The following PTPRN2 variants were observed in gnomAD, a reference collection of about 807,000 sequenced individuals.
The protein encoded by PTPRN2 is receptor-type tyrosine-protein phosphatase N2.
A neutral mutation model predicts 118.8 loss-of-function variants in PTPRN2; 74 were observed. The ratio of observed to expected loss-of-function variants is 0.62; its 90% CI spans 0.52 to 0.76. The LOEUF is 0.76. Ranked by LOEUF, PTPRN2 falls within the 30% of genes least tolerant of loss-of-function variation. PTPRN2 has a pLI of 0.00. For missense variants in PTPRN2, 1,481 were observed against 1,394.4 expected (o/e 1.06, Z -0.99); for synonymous variants, 641 against 608.0 (o/e 1.05, Z -0.80).
At chr7:157,928,570 CA>C (rs2128777333) in intron 11 of PTPRN2, among the ~76,000 whole-genome samples, 1 of 152,098 alleles carries the variant, frequency 6.6e-6, no homozygotes, top group African/African-American at 2.4e-5. Flanking sequence ...CGAAGCCACC[CA>C]GGACACTCCC....
intron 2 of PTPRN2, among the ~76,000 whole-genome samples, chr7:158,448,351 A>G (rs73729618): frequency 0.034 from 5,201 of 152,350 alleles, 269 homozygotes; most frequent in African/African-American, 0.11. Context: ...TAGAGAAAAT[A>G]GTAAGTTAGC....
Position 158,245,147 on chromosome 7 carries a change from AGAATCCGTGGCCATGCCG to A in PTPRN2, c.278-39892_278-39875del, listed in dbSNP as rs919571935. ...TCATGCCGGAATCCGTGGTCATGCC[AGAATCCGTGGCCATGCCG>A]GAATCCATGGCCATGCCGGAATCCG... On this transcript the variant is annotated intron_variant, in intron 3 of 22. Transcript: ENST00000389418. 7.2e-5 allele frequency among the ~76,000 whole-genome samples: 11 copies of A among 152,048 alleles called. No homozygotes were observed. The South Asian group carries it at 8.3e-4, about 11-fold the overall frequency.
chr7:158,060,163 G>GCC (rs1810203464), intron 11 of PTPRN2, among the ~76,000 whole-genome samples: 1 of 85,686 alleles, frequency 1.2e-5, no homozygotes, highest in African/African-American at 5.7e-5. Context: ...CACTCCATCT[G>GCC]CACATGGTGA....
intron 12 of PTPRN2, among the ~76,000 whole-genome samples, chr7:157,778,921 C>G (rs2151047791): frequency 6.6e-6 from 1 of 152,378 alleles, no homozygotes; most frequent in Non-Finnish European, 1.5e-5. Flanking sequence ...AGACCACATT[C>G]TGAAAACAAT....
At chr7:157,544,580 A>G (rs221265) in intron 22 of PTPRN2, among the ~76,000 whole-genome samples, 77,302 of 152,120 alleles carry the variant, frequency 0.51, 19,893 homozygotes, top group South Asian at 0.68. Flanking sequence ...TGAGGAGGGC[A>G]TGGGGCTTCT....
chr7:158,509,621 G>A lies in PTPRN2; in HGVS notation c.113-19836C>T, dbSNP rs1454464940. On this transcript the variant is annotated intron_variant, in intron 1 of 22. Coordinates refer to ENST00000389418, the MANE Select transcript of PTPRN2 (RefSeq NM_002847.5). The surrounding 1 kb of genome is among the most constrained non-coding windows in gnomAD (Gnocchi z 4.4). The stretch of plus-strand genomic sequence containing the variant: ...CCCAAAGCCCATCTGCTTTGTTCCG[G>A]GATCCCCCAGCCTCATTTCCATCTC... Among the ~76,000 whole-genome samples the A allele has an allele frequency of 6.6e-6, 1 of 152,200 alleles. No homozygotes were observed. The highest frequency in any genetic ancestry group is 6.5e-5 in the Admixed American group (1 of 15,284).
intron 11 of PTPRN2, among the ~76,000 whole-genome samples, chr7:158,056,580 C>T (rs1043841225): frequency 4.6e-5 from 7 of 152,190 alleles, no homozygotes; most frequent in African/African-American, 1.7e-4. Flanking sequence ...TCGTGTGCAT[C>T]CCGTCACCAG....
chr7:158,089,404 CAA>C, intron 10 of PTPRN2, among the ~76,000 whole-genome samples: 1 of 40,676 alleles, frequency 2.5e-5, no homozygotes, highest in Non-Finnish European at 8.2e-5. Flanking sequence ...AGTCTTCACA[CAA>C]ACCTTCCTCC....
chr7:158,306,460 C>T (rs554098905), intron 3 of PTPRN2, among the ~76,000 whole-genome samples: 3 of 152,280 alleles, frequency 2.0e-5, no homozygotes, highest in Admixed American at 6.5e-5. Flanking sequence ...GAAGGTATGC[C>T]CCACACTCAC....
intron 12 of PTPRN2, among the ~76,000 whole-genome samples, chr7:157,888,207 T>C (rs146919831): frequency 9.3e-4 from 141 of 152,132 alleles, no homozygotes; most frequent in Middle Eastern, 6.8e-3. Flanking sequence ...TAGCATGAGA[T>C]GTAGGGTTCA....
chr7:158,221,346 GAAA>G (rs1224573035), intron 3 of PTPRN2, among the ~76,000 whole-genome samples: 1 of 138,050 alleles, frequency 7.2e-6, no homozygotes, highest in Non-Finnish European at 1.6e-5. Flanking sequence ...GCAACTGCAA[GAAA>G]AAAAAAAAGA....
chr7:157,717,273 G>C (rs1019955135), intron 12 of PTPRN2, among the ~76,000 whole-genome samples: 4 of 152,264 alleles, frequency 2.6e-5, no homozygotes, highest in Non-Finnish European at 5.9e-5. Flanking sequence ...GTGCATGGAG[G>C]CAAGAGGCAT....
chr7:157,582,285 G>A (rs1800430250), intron 17 of PTPRN2, among the ~76,000 whole-genome samples: 1 of 152,280 alleles, frequency 6.6e-6, no homozygotes, highest in East Asian at 1.9e-4. Flanking sequence ...TGAGTGCTAA[G>A]TATTTAATTA....
At chr7:158,004,635 A>T (rs553147419) in intron 11 of PTPRN2, among the ~76,000 whole-genome samples, 1 of 152,216 alleles carries the variant, frequency 6.6e-6, no homozygotes, top group Non-Finnish European at 1.5e-5. Context: ...GTGTGCTTAT[A>T]TGGAAAATAT....
intron 12 of PTPRN2, among the ~76,000 whole-genome samples, chr7:157,733,864 A>G (rs1359978216): frequency 2.0e-5 from 1 of 51,014 alleles, no homozygotes; most frequent in African/African-American, 9.7e-5. Flanking sequence ...TGCGCCCAGC[A>G]CAGTTACTCT....
chr7:158,563,980 C>G lies in PTPRN2; in HGVS notation c.112+23578G>C, dbSNP rs1286167067. On this transcript the variant is annotated intron_variant, in intron 1 of 22. Coordinates refer to ENST00000389418, the MANE Select transcript of PTPRN2 (RefSeq NM_002847.5). The surrounding 1 kb of genome is among the most constrained non-coding windows in gnomAD (Gnocchi z 5.1). ...TACGAAACACACATCATGACAGCTC[C>G]TGCATCAGGGGGCTGCTGGGATGAT... 1.3e-5 allele frequency among the ~76,000 whole-genome samples: 2 copies of G among 152,152 alleles called. No individual in the cohort carries two copies. The highest frequency in any genetic ancestry group is 2.9e-5 in the Non-Finnish European group (2 of 68,046).
intron 6 of PTPRN2, among the ~76,000 whole-genome samples, chr7:158,151,595 G>T (rs1321610297): frequency 2.0e-5 from 3 of 151,916 alleles, no homozygotes; most frequent in African/African-American, 7.3e-5. Context: ...GGTGGTATGA[G>T]CCACGCCCTC....
intron 10 of PTPRN2, among the ~76,000 whole-genome samples, chr7:158,105,809 C>T (rs555023590): frequency 1.3e-5 from 2 of 152,168 alleles, no homozygotes; most frequent in African/African-American, 4.8e-5. Context: ...CAATTTCCAT[C>T]CTAGCTCCAT....
chr7:158,560,351 G>GT (rs1827298350), intron 1 of PTPRN2, among the ~76,000 whole-genome samples: 2 of 152,276 alleles, frequency 1.3e-5, no homozygotes, highest in Non-Finnish European at 2.9e-5. Flanking sequence ...AAGTGGGCGT[G>GT]TTTTAACGCT....
Sources: allele counts gnomAD v4.1 joint callset (sites outside exome capture counted in the v4.1 genomes callset), GRCh38; gene constraint gnomAD v4.1.1; non-coding constraint Gnocchi (gnomAD v3.1); transcripts MANE v1.5; gene names NCBI Gene and HGNC (gene_info 2026-07-23, HGNC 2026-07-21).